PPP6R2: variants seen among roughly 807,000 people sequenced by gnomAD.
The protein encoded by PPP6R2 is protein phosphatase 6 regulatory subunit 2.
PPP6R2 carries 62 observed loss-of-function variants against 100.2 expected under a neutral mutation model. The ratio of observed to expected loss-of-function variants is 0.62; its 90% CI spans 0.50 to 0.76. The LOEUF (loss-of-function observed/expected upper bound fraction) is 0.76, where lower values mean the gene tolerates loss of function less well. Among genes scored for constraint, PPP6R2 ranks in the 30% least tolerant of loss-of-function variants. The pLI, the probability that PPP6R2 is intolerant of heterozygous loss-of-function variation, is 0.00. For synonymous variants in PPP6R2, 525 were observed against 514.7 expected (o/e 1.02, Z -0.27); for missense variants, 1,142 against 1,276.3 (o/e 0.89, Z 1.60).
intron 2 of PPP6R2, among the ~76,000 whole-genome samples, chr22:50,392,554 G>A (rs891715039): frequency 2.6e-4 from 40 of 152,310 alleles, no homozygotes; most frequent in African/African-American, 8.4e-4. Context: ...TGCAGCTGTC[G>A]CGTGCTGGGG....
intron 1 of PPP6R2, among the ~76,000 whole-genome samples, chr22:50,353,688 A>C (rs778447654): frequency 1.3e-5 from 2 of 152,124 alleles, no homozygotes; most frequent in African/African-American, 2.4e-5. Context: ...AGCACAATGA[A>C]GGGAAGCACG....
rs191119346 is a variant in PPP6R2, at chr22:50,378,916, A to G, written c.-17+6766A>G. Among the ~76,000 whole-genome samples the G allele has an allele frequency of 1.9e-3, 292 of 151,624 alleles. 2 individuals are homozygous for G. The highest frequency in any genetic ancestry group is 3.3e-3 in the Non-Finnish European group (222 of 67,940). On this transcript the variant is annotated intron_variant, in intron 2 of 23. Coordinates refer to ENST00000612753, the MANE Select transcript of PPP6R2 (RefSeq NM_001242898.2). Reference sequence around the variant, plus strand: ...AAAAAAAAAAGGTGAGGCCTAGAATATGATGAGGCCGTGAGGGCTCCACTC... The same window carrying G: ...AAAAAAAAAAGGTGAGGCCTAGAATGTGATGAGGCCGTGAGGGCTCCACTC...
At chr22:50,389,790 G>C (rs998540322) in intron 2 of PPP6R2, among the ~76,000 whole-genome samples, 37 of 151,572 alleles carry the variant, frequency 2.4e-4, no homozygotes, top group African/African-American at 9.0e-4. Context: ...GTAGAGATGG[G>C]GTTGGCCAGG....
chr22:50,402,868 C>T (rs2058273032), intron 3 of PPP6R2, among the ~76,000 whole-genome samples: 1 of 152,174 alleles, frequency 6.6e-6, no homozygotes, highest in South Asian at 2.1e-4. Flanking sequence ...GAATCAGTGT[C>T]TTCTAGCTTG....
chr22:50,400,569 T>C (rs1394201391), intron 3 of PPP6R2, among the ~76,000 whole-genome samples: 1 of 152,214 alleles, frequency 6.6e-6, no homozygotes, highest in Non-Finnish European at 1.5e-5. Flanking sequence ...TAAGCCCTAT[T>C]GTTTCTCAAT....
At chr22:50,438,050 C>T (rs1177269655) in intron 17 of PPP6R2, 124 bp from the exon 18 acceptor site, 16 of 1,497,434 alleles carry the variant, frequency 1.1e-5, no homozygotes, top group South Asian at 6.4e-5. Flanking sequence ...TGCCCCTCCC[C>T]GTCCTCCCCT....
At chr22:50,390,287 C>T (rs752800483) in intron 2 of PPP6R2, among the ~76,000 whole-genome samples, 11 of 152,246 alleles carry the variant, frequency 7.2e-5, no homozygotes, top group Admixed American at 1.3e-4. Flanking sequence ...CCACCGCGCC[C>T]AGCCCATATG....
chr22:50,408,895 A>T (rs2059359300), intron 4 of PPP6R2, among the ~76,000 whole-genome samples: 1 of 152,182 alleles, frequency 6.6e-6, no homozygotes, highest in African/African-American at 2.4e-5. Flanking sequence ...CGAGTGGATC[A>T]CCTGAGGTCA....
intron 4 of PPP6R2, among the ~76,000 whole-genome samples, chr22:50,409,877 C>A (rs2059497931): frequency 6.6e-6 from 1 of 151,930 alleles, no homozygotes; most frequent in Non-Finnish European, 1.5e-5. Flanking sequence ...CAGGCGCCTG[C>A]CACCACACTG....
At chr22:50,342,684 T>C (rs2042536822), upstream of PPP6R2, among the ~76,000 whole-genome samples, 1 of 152,260 alleles carries the variant, frequency 6.6e-6, no homozygotes, top group Non-Finnish European at 1.5e-5. Context: ...GAAATAATAG[T>C]AATCATTTTT....
chr22:50,353,688 A>G (rs778447654), intron 1 of PPP6R2, among the ~76,000 whole-genome samples: 35 of 152,124 alleles, frequency 2.3e-4, no homozygotes, highest in Non-Finnish European at 4.4e-4. Flanking sequence ...AGCACAATGA[A>G]GGGAAGCACG....
chr22:50,410,878 C>T (rs975854080), intron 4 of PPP6R2, among the ~76,000 whole-genome samples: 3 of 151,988 alleles, frequency 2.0e-5, no homozygotes, highest in African/African-American at 7.3e-5. Context: ...CTGCAACCTC[C>T]GCCCCCTGGT....
chr22:50,386,141 T>C (rs1457344133), intron 2 of PPP6R2, among the ~76,000 whole-genome samples: 1 of 145,080 alleles, frequency 6.9e-6, no homozygotes, highest in Non-Finnish European at 1.5e-5. Context: ...TTTTTTGTTT[T>C]GTTTTGTTTT....
chr22:50,390,519 C>T (rs548952657), intron 2 of PPP6R2, among the ~76,000 whole-genome samples: 2 of 152,118 alleles, frequency 1.3e-5, no homozygotes, highest in South Asian at 2.1e-4. Context: ...ACAGGCCAGG[C>T]GTGGTGGTTC....
chr22:50,340,257 GGT>G (rs565182546), upstream of PPP6R2, among the ~76,000 whole-genome samples: 731 of 96,482 alleles, frequency 7.6e-3, 34 homozygotes, highest in African/African-American at 0.028. Context: ...GTGTGTGGAG[GGT>G]GTGTGTGGTG....
At position 50,444,415 on chromosome 22, in the gene PPP6R2, C is replaced by T; in HGVS notation, c.*168C>T. The T allele has an allele frequency of 4.4e-6, 4 of 912,364 alleles. No individual in the cohort carries two copies. Among genetic ancestry groups the T allele is most frequent in the Non-Finnish European group, 4.9e-6 (3 of 613,004 alleles). 56.5% of individuals were successfully genotyped at this position (912,364 alleles called of 1,614,324 possible). A position where few individuals can be genotyped will look rare whatever the true frequency, so the allele number is the denominator to read the frequency against. On this transcript the variant is annotated 3_prime_UTR_variant, in exon 24 of 24. Coordinates refer to ENST00000612753, the MANE Select transcript of PPP6R2 (RefSeq NM_001242898.2). The stretch of plus-strand genomic sequence containing the variant: ...CAGTTGGACGGCCCAGCTTGCGTCT[C>T]TTCTGCCTGAGTGGGCCTCTCAGGT...
At chr22:50,396,372 A>G (rs751014296) in intron 3 of PPP6R2, among the ~76,000 whole-genome samples, 26 of 151,316 alleles carry the variant, frequency 1.7e-4, no homozygotes, top group African/African-American at 2.9e-4. Flanking sequence ...GCATGTGCCT[A>G]TAATCCCAGC....
Position 50,440,020 on chromosome 22 carries a change from G to A in PPP6R2, c.2345G>A (p.Gly782Asp), listed in dbSNP as rs45484793. 8.2e-3 allele frequency: 13,160 copies of A among 1,613,428 alleles called. 77 individuals carry two copies. The highest frequency in any genetic ancestry group is 0.01 in the Non-Finnish European group (11,994 of 1,179,912). ...GACACAGAATGCAGCCATGCTGAGG[G>A]CAGCCGGAGCCAAGGCCCTGAGAAA... ...PVDTECSHAE[G>D]SRSQGPEKAF... The change falls in exon 21 of 24, where the codon GGC becomes GAC. Residue 782 changes from glycine (G) to aspartate (D), a missense_variant. Physicochemically the swap from Gly to Asp is moderately conservative, Grantham distance 94. Around this residue, in one of 2 missense-constraint regions of PPP6R2, gnomAD observed 550 missense variants for 517.4 expected, o/e 1.06. Transcript: ENST00000612753.
intron 2 of PPP6R2, among the ~76,000 whole-genome samples, chr22:50,388,236 G>A (rs2054657107): frequency 6.6e-6 from 1 of 151,580 alleles, no homozygotes; most frequent in Non-Finnish European, 1.5e-5. Context: ...TACAAAAAAA[G>A]TACAAAAATT....
Sources: gnomAD v4.1 joint callset for allele counts (sites outside exome capture counted in the v4.1 genomes callset) on GRCh38, gnomAD v4.1.1 for gene constraint, gnomAD v4.1.1 regional missense constraint, MANE v1.5 for transcripts, NCBI Gene and HGNC (gene_info 2026-07-23, HGNC 2026-07-21) for gene names.